The following KLHL1 variants were observed in gnomAD, a reference collection of about 807,000 sequenced individuals.
KLHL1 encodes kelch-like protein 1.
KLHL1 carries 47 observed loss-of-function variants against 77.7 expected under a neutral mutation model. The observed-to-expected ratio is 0.60, with a 90% confidence interval of 0.48 to 0.77. KLHL1 has a LOEUF of 0.77. Among genes scored for constraint, KLHL1 ranks in the 30% least tolerant of loss-of-function variants. KLHL1 has a pLI of 0.00. For missense variants in KLHL1, 925 were observed against 910.8 expected, an observed-to-expected ratio of 1.02 and a Z score of -0.20; for synonymous variants, 360 against 325.2, an observed-to-expected ratio of 1.11 and a Z score of -1.15.
intron 6 of KLHL1, among the ~76,000 whole-genome samples, chr13:69,804,804 C>A (rs1877545668): frequency 6.6e-6 from 1 of 152,010 alleles, no homozygotes; most frequent in African/African-American, 2.4e-5. Flanking sequence ...TTGATGCCAT[C>A]AAATCATTAG....
intron 1 of KLHL1, among the ~76,000 whole-genome samples, chr13:69,999,661 G>A (rs1302068132): frequency 6.6e-6 from 1 of 151,988 alleles, no homozygotes; most frequent in Non-Finnish European, 1.5e-5. Flanking sequence ...TGACTGGGAT[G>A]GCACCTAGCA....
At chr13:69,818,172 C>T (rs1391588916) in intron 6 of KLHL1, among the ~76,000 whole-genome samples, 1 of 150,786 alleles carries the variant, frequency 6.6e-6, no homozygotes, top group African/African-American at 2.5e-5. Context: ...TGTCCAAACA[C>T]TCACAGGGGA....
intron 5 of KLHL1, among the ~76,000 whole-genome samples, chr13:69,854,408 T>C (rs1225695347): frequency 6.6e-6 from 1 of 151,576 alleles, no homozygotes; most frequent in Non-Finnish European, 1.5e-5. Context: ...AAGCATAGAG[T>C]GAAAACTAAC....
intron 3 of KLHL1, among the ~76,000 whole-genome samples, chr13:69,960,052 A>G (rs17085833): frequency 0.028 from 4,153 of 150,516 alleles, 303 homozygotes; most frequent in East Asian, 0.27. Flanking sequence ...AGACCAAAAA[A>G]TGTCTAAGTA....
At chr13:69,851,115 T>G (rs974294796) in intron 5 of KLHL1, among the ~76,000 whole-genome samples, 1 of 126,430 alleles carries the variant, frequency 7.9e-6, no homozygotes, top group South Asian at 3.0e-4. Flanking sequence ...TACTTTTATT[T>G]TTTATGCTTT....
rs200998641 is a variant in KLHL1 at position 70,090,612 on chromosome 13, GAGA to G, written c.497+16588_497+16590del. Among the ~76,000 whole-genome samples, 9 of 152,136 alleles carry G rather than the reference GAGA, an allele frequency of 5.9e-5. No individual in the cohort carries two copies. The East Asian group carries it at 1.4e-3, about 23-fold the overall frequency. On this transcript the variant is annotated intron_variant, in intron 1 of 10. Coordinates refer to ENST00000377844, the MANE Select transcript of KLHL1 (RefSeq NM_020866.3). ...AATCCTTTTCTCACGATGATATAGG[GAGA>G]AGAAGTCAGAAAGGTCTTTATGCAA...
intron 5 of KLHL1, among the ~76,000 whole-genome samples, chr13:69,878,961 T>G (rs1158824943): frequency 1.3e-5 from 2 of 152,096 alleles, no homozygotes. Context: ...GGGACATGGA[T>G]GAAGCTGGAA....
At chr13:69,782,346 G>C (rs1296775805) in intron 7 of KLHL1, among the ~76,000 whole-genome samples, 1 of 152,222 alleles carries the variant, frequency 6.6e-6, no homozygotes, top group East Asian at 1.9e-4. Context: ...CCGTGTGCTA[G>C]CCGAAGCAGG....
chr13:70,080,550 A>G (rs553347730), intron 1 of KLHL1, among the ~76,000 whole-genome samples: 2 of 152,066 alleles, frequency 1.3e-5, no homozygotes, highest in African/African-American at 4.8e-5. Flanking sequence ...ATCATGTTAG[A>G]TTTGGTTGTT....
chr13:69,830,185 T>A (rs569232013), intron 6 of KLHL1, among the ~76,000 whole-genome samples: 2 of 150,404 alleles, frequency 1.3e-5, no homozygotes, highest in South Asian at 4.2e-4. Context: ...CAACCAAGTA[T>A]CTGCTATCTT....
intron 7 of KLHL1, among the ~76,000 whole-genome samples, chr13:69,752,486 A>G (rs1874529565): frequency 6.6e-6 from 1 of 152,212 alleles, no homozygotes; most frequent in Non-Finnish European, 1.5e-5. Flanking sequence ...TGTGGTACGT[A>G]GACATTGTTT....
chr13:69,808,383 A>T (rs879339154), intron 6 of KLHL1, among the ~76,000 whole-genome samples: 2 of 152,106 alleles, frequency 1.3e-5, no homozygotes, highest in Non-Finnish European at 2.9e-5. Context: ...TCACCAGACA[A>T]AATTACATTA....
chr13:69,772,709 G>A (rs1875632027), intron 7 of KLHL1, among the ~76,000 whole-genome samples: 1 of 152,088 alleles, frequency 6.6e-6, no homozygotes, highest in Non-Finnish European at 1.5e-5. Context: ...AGGTAATAGG[G>A]TTTGGTTGCA....
At chr13:69,898,842 G>T (rs1443907766) in intron 4 of KLHL1, among the ~76,000 whole-genome samples, 1 of 152,056 alleles carries the variant, frequency 6.6e-6, no homozygotes, top group Non-Finnish European at 1.5e-5. Context: ...AGGATTCAAT[G>T]CCACATGTGG....
At chr13:70,058,319 C>T (rs1886797346) in intron 1 of KLHL1, among the ~76,000 whole-genome samples, 1 of 152,072 alleles carries the variant, frequency 6.6e-6, no homozygotes, top group Non-Finnish European at 1.5e-5. Flanking sequence ...TGATTTTATA[C>T]TTGTAAAAAC....
At chr13:69,820,325 G>A (rs2138076692) in intron 6 of KLHL1, among the ~76,000 whole-genome samples, 1 of 152,188 alleles carries the variant, frequency 6.6e-6, no homozygotes, top group African/African-American at 2.4e-5. Flanking sequence ...ATTACATTAA[G>A]CAGAAATTTT....
chr13:69,890,160 T>A (rs1881372639), intron 4 of KLHL1, among the ~76,000 whole-genome samples: 1 of 151,988 alleles, frequency 6.6e-6, no homozygotes, highest in Non-Finnish European at 1.5e-5. Flanking sequence ...AAAAATTTAG[T>A]GATTTGAAGA....
chr13:69,757,703 G>A (rs1874814173), intron 7 of KLHL1, among the ~76,000 whole-genome samples: 1 of 152,102 alleles, frequency 6.6e-6, no homozygotes, highest in African/African-American at 2.4e-5. Flanking sequence ...TGTAATCCCA[G>A]CACTTTGGGA....
chr13:69,711,267 T>C (rs1875864993), intron 9 of KLHL1, among the ~76,000 whole-genome samples: 1 of 152,024 alleles, frequency 6.6e-6, no homozygotes, highest in African/African-American at 2.4e-5. Context: ...AAAGAAGTGA[T>C]TTATAGTCCA....
Sources: allele counts gnomAD v4.1 joint callset (sites outside exome capture counted in the v4.1 genomes callset), GRCh38; gene constraint gnomAD v4.1.1; transcripts MANE v1.5; gene names NCBI Gene and HGNC (gene_info 2026-07-23, HGNC 2026-07-21).